UBE2F: variants seen among roughly 807,000 people sequenced by gnomAD.
UBE2F encodes ubiquitin conjugating enzyme E2 F (putative).
Under a neutral mutation model 29.6 loss-of-function variants are expected in UBE2F, and 5 were observed. That is an observed-to-expected ratio of 0.17 (90% CI 0.09 to 0.36). The LOEUF is 0.36. UBE2F is among the 10% of genes least tolerant of loss of function. The pLI is 1.00. For synonymous variants in UBE2F, 66 were observed against 81.8 expected (o/e 0.81, Z 1.04); for missense variants, 141 against 228.5 (o/e 0.62, Z 2.47).
At chr2:238,000,783 A>T (rs77733248) in intron 4 of UBE2F, among the ~76,000 whole-genome samples, 321 of 152,308 alleles carry the variant, frequency 2.1e-3, no homozygotes, top group African/African-American at 6.5e-3. Context: ...AATGAATGAG[A>T]ATTCCAGTTT....
At chr2:238,038,586 G>A (rs2064771910) in intron 9 of UBE2F, among the ~76,000 whole-genome samples, 1 of 152,360 alleles carries the variant, frequency 6.6e-6, no homozygotes, top group South Asian at 2.1e-4. Context: ...AGCTCCAGGT[G>A]GAGAGATGTC....
chr2:238,007,901 A>T (rs1282134507), intron 4 of UBE2F, among the ~76,000 whole-genome samples: 1 of 152,126 alleles, frequency 6.6e-6, no homozygotes, highest in Admixed American at 6.5e-5. Context: ...CTTTGAATGC[A>T]TTTGGGGAGT....
At chr2:237,995,839 A>G (rs1232814057) in intron 4 of UBE2F, among the ~76,000 whole-genome samples, 1 of 152,232 alleles carries the variant, frequency 6.6e-6, no homozygotes, top group African/African-American at 2.4e-5. Flanking sequence ...AGTATAAATC[A>G]GTCTGATACT....
rs1036771628 is a variant in UBE2F at position 237,982,397 on chromosome 2, A to G, written c.119-5566A>G. On this transcript the variant is annotated intron_variant, in intron 2 of 9. Coordinates refer to ENST00000272930, the MANE Select transcript of UBE2F (RefSeq NM_080678.3). This position sits in a 1 kb window ranked among gnomAD's most constrained non-coding sequence, Gnocchi z 4.1. ...CATTGTCCGTCTGTGCCCAGACCTC[A>G]CCTCTTCCCTTGTCACTAGACTGTC... Among the ~76,000 whole-genome samples the G allele has an allele frequency of 6.6e-5, 10 of 151,686 alleles. 1 individual carries two copies. The highest frequency in any genetic ancestry group is 6.6e-4 in the Admixed American group (10 of 15,250).
Position 237,977,987 on chromosome 2 carries a change from G to A in UBE2F, c.118+4762G>A, listed in dbSNP as rs138791597. Reference sequence around the variant, plus strand: ...TTGGGACAATACCTGTGGGGTAGGCGAGGGAAGCAACAGCAGGCAGAGGGA... The same window carrying A: ...TTGGGACAATACCTGTGGGGTAGGCAAGGGAAGCAACAGCAGGCAGAGGGA... On this transcript the variant is annotated intron_variant, in intron 2 of 9. Transcript: ENST00000272930. Among the ~76,000 whole-genome samples, 12 of 152,182 alleles carry A rather than the reference G, an allele frequency of 7.9e-5. No homozygotes were observed. The East Asian group carries it at 1.7e-3, about 22-fold the overall frequency.
chr2:238,004,974 G>A (rs1308119331), intron 4 of UBE2F, among the ~76,000 whole-genome samples: 1 of 152,158 alleles, frequency 6.6e-6, no homozygotes, highest in African/African-American at 2.4e-5. Flanking sequence ...CTTTTCTGGG[G>A]CATCCAGAAA....
At position 238,030,642 on chromosome 2, in the gene UBE2F, A is replaced by G. The variant is rs757884513; in HGVS notation, c.411+29A>G. On this transcript the variant is annotated intron_variant, in intron 7 of 9. Coordinates refer to ENST00000272930, the MANE Select transcript of UBE2F (RefSeq NM_080678.3). ...GAGTCTGTGCCTTGATCTTGATCAT[A>G]AGTTGTCCCTGTGGTCCTCTCCCTG... The G allele has an allele frequency of 2.1e-5, 33 of 1,591,318 alleles. No individual in the cohort carries two copies. The Admixed American group carries it at 5.5e-4, about 27-fold the overall frequency.
chr2:237,990,906 G>A (rs2063574933), intron 3 of UBE2F, among the ~76,000 whole-genome samples: 1 of 152,120 alleles, frequency 6.6e-6, no homozygotes, highest in Admixed American at 6.5e-5. Context: ...ACGAGCCACT[G>A]TGCATGGCCA....
Position 238,041,945 on chromosome 2 carries a change from A to C in UBE2F, c.*607A>C, listed in dbSNP as rs894672437. On this transcript the variant is annotated 3_prime_UTR_variant, in exon 10 of 10. Transcript: ENST00000272930. ...TGTAATTTGTACAATTCAATGCTTT[A>C]ATTATTTTTTCTATTCTCATTTAGT... is the stretch of plus-strand genomic sequence containing the variant. 1 of 152,688 alleles carries C rather than the reference A, an allele frequency of 6.5e-6. No individual in the cohort carries two copies. Among genetic ancestry groups the C allele is most frequent in the Non-Finnish European group, 1.5e-5 (1 of 68,064 alleles). The allele number at this position is 152,688 out of a possible 1,614,324, so 9.5% of individuals were successfully genotyped here.
rs2063207034 is a variant in UBE2F, at chr2:237,973,002, A to G, written c.-16-90A>G. On this transcript the variant is annotated intron_variant, in intron 1 of 9. Transcript: ENST00000272930. ...CATAACTAAATTGTGGGAAAAAATCAAAATACAAAAGCACTTATACATTTT... is the reference window on the plus strand; with the variant it reads ...CATAACTAAATTGTGGGAAAAAATCGAAATACAAAAGCACTTATACATTTT... The G allele has an allele frequency of 6.4e-6, 9 of 1,413,700 alleles. No individual in the cohort carries two copies. The South Asian group carries it at 1.2e-4, about 19-fold the overall frequency. 87.6% of individuals were successfully genotyped at this position (1,413,700 alleles called of 1,614,324 possible). A position where few individuals can be genotyped will look rare whatever the true frequency, so the allele number is the denominator to read the frequency against.
chr2:238,000,226 TTAGC>T (rs1238564520), intron 4 of UBE2F, among the ~76,000 whole-genome samples: 2 of 152,208 alleles, frequency 1.3e-5, no homozygotes, highest in Non-Finnish European at 2.9e-5. Flanking sequence ...CTTGATCATG[TTAGC>T]TAAAGGTTTA....
intron 5 of UBE2F, among the ~76,000 whole-genome samples, chr2:238,019,540 A>G (rs1162655448): frequency 1.3e-5 from 2 of 149,276 alleles, no homozygotes; most frequent in African/African-American, 4.9e-5. Context: ...CTAATTTTGT[A>G]TTTTTAGTAG....
chr2:238,019,654 C>T (rs1270912596), intron 5 of UBE2F, among the ~76,000 whole-genome samples: 6 of 78,012 alleles, frequency 7.7e-5, no homozygotes, highest in African/African-American at 1.1e-4. Flanking sequence ...TGTGCTCAGC[C>T]TTTTTTTTTT....
chr2:238,016,659 G>A (rs774057093), intron 5 of UBE2F, 26 bp downstream of exon 5: 3 of 1,596,714 alleles, frequency 1.9e-6, no homozygotes, highest in Non-Finnish European at 2.6e-6. Context: ...TGAGCCTGTT[G>A]TTTTACTTCT....
At chr2:238,002,350 T>A (rs2106364047) in intron 4 of UBE2F, among the ~76,000 whole-genome samples, 1 of 152,376 alleles carries the variant, frequency 6.6e-6, no homozygotes, top group East Asian at 1.9e-4. Context: ...ACATGTGCCA[T>A]GCTGGTGCGC....
chr2:237,969,444 C>G (rs891039319), intron 1 of UBE2F, among the ~76,000 whole-genome samples: 17 of 152,218 alleles, frequency 1.1e-4, no homozygotes, highest in African/African-American at 3.9e-4. Flanking sequence ...TTCTGACTTT[C>G]CTAGGTTACT....
chr2:237,994,160 G>T (rs2063645111), intron 3 of UBE2F, among the ~76,000 whole-genome samples: 1 of 147,798 alleles, frequency 6.8e-6, no homozygotes, highest in Non-Finnish European at 1.5e-5. Flanking sequence ...GCCCAAGCTG[G>T]AGTGCAATGG....
At chr2:238,019,735 C>T (rs538472153) in intron 5 of UBE2F, among the ~76,000 whole-genome samples, 2 of 148,588 alleles carry the variant, frequency 1.3e-5, no homozygotes, top group South Asian at 4.3e-4. Context: ...TCTCAGCTCA[C>T]CGCAACCTCT....
At chr2:238,017,867 C>T (rs1356882862) in intron 5 of UBE2F, among the ~76,000 whole-genome samples, 1 of 152,160 alleles carries the variant, frequency 6.6e-6, no homozygotes, top group Non-Finnish European at 1.5e-5. Flanking sequence ...GCTCCCACTG[C>T]CTGACGAGTG....
Sources: gnomAD v4.1 joint callset for allele counts (sites outside exome capture counted in the v4.1 genomes callset) on GRCh38, gnomAD v4.1.1 for gene constraint, Gnocchi (gnomAD v3.1) non-coding constraint, MANE v1.5 for transcripts, NCBI Gene and HGNC (gene_info 2026-07-23, HGNC 2026-07-21) for gene names.